Variants in WWP1 observed in about 807,000 individuals in gnomAD.
WWP1 encodes the protein NEDD4-like E3 ubiquitin-protein ligase WWP1.
Under a neutral mutation model 130.6 loss-of-function variants are expected in WWP1, and 49 were observed. That is an observed-to-expected ratio of 0.38 (90% CI 0.30 to 0.48). The LOEUF is 0.48. Ranked by LOEUF, WWP1 falls within the 20% of genes least tolerant of loss-of-function variation. The probability of loss-of-function intolerance (pLI) is 0.99; values close to 1 mark genes in which losing one functional copy is unlikely to be tolerated. For missense variants in WWP1, 809 were observed against 1,100.6 expected (o/e 0.74, Z 3.75); for synonymous variants, 332 against 367.8 (o/e 0.90, Z 1.11).
intron 7 of WWP1, among the ~76,000 whole-genome samples, chr8:86,400,305 T>C (rs904508480): frequency 6.7e-6 from 1 of 149,958 alleles, no homozygotes; most frequent in Non-Finnish European, 1.5e-5. Context: ...GCACTCCAGC[T>C]CTGGGCGACA....
intron 5 of WWP1, among the ~76,000 whole-genome samples, chr8:86,396,491 G>C (rs1807675255): frequency 6.6e-6 from 1 of 150,858 alleles, no homozygotes; most frequent in Non-Finnish European, 1.5e-5. Flanking sequence ...TTGATGTAAA[G>C]TAGAAATGAG....
At chr8:86,455,894 C>T (rs1003689884) in intron 21 of WWP1, among the ~76,000 whole-genome samples, 3 of 151,810 alleles carry the variant, frequency 2.0e-5, no homozygotes, top group East Asian at 1.9e-4. Context: ...AATAAGATAG[C>T]GTGGTATTTG....
chr8:86,452,794 C>A, intron 21 of WWP1, 115 bp downstream of exon 21: 1 of 1,321,136 alleles, frequency 7.6e-7, no homozygotes, highest in Non-Finnish European at 1.1e-6. Flanking sequence ...AATCTTGAAT[C>A]CTCTCATTTG....
intron 9 of WWP1, among the ~76,000 whole-genome samples, chr8:86,424,586 C>T (rs902117780): frequency 2.6e-5 from 4 of 151,750 alleles, no homozygotes; most frequent in Non-Finnish European, 2.9e-5. Flanking sequence ...GCAGATCACT[C>T]GCCGTTAGGA....
At chr8:86,377,695 A>G (rs557688610) in intron 3 of WWP1, among the ~76,000 whole-genome samples, 1 of 152,332 alleles carries the variant, frequency 6.6e-6, no homozygotes, top group African/African-American at 2.4e-5. Flanking sequence ...CAAGGATAGT[A>G]GCATATAGAA....
Position 86,427,560 on chromosome 8 carries a change from A to G in WWP1, c.1158-83A>G, listed in dbSNP as rs1037453210. 5.8e-6 allele frequency: 8 copies of G among 1,388,804 alleles called. No individual in the cohort carries two copies. In the South Asian group the frequency reaches 7.7e-5, roughly 13 times the overall value. 86.0% of individuals were successfully genotyped at this position (1,388,804 alleles called of 1,614,324 possible). A position where few individuals can be genotyped will look rare whatever the true frequency, so the allele number is the denominator to read the frequency against. On this transcript the variant is annotated intron_variant, in intron 10 of 24. Coordinates refer to ENST00000517970, the MANE Select transcript of WWP1 (RefSeq NM_007013.4). ...GTTATTTTAACATGTCTTGAACTTG[A>G]TATTTAAATTGAGTGAAGTAATAAC...
chr8:86,352,902 A>C (rs1245847019), intron 1 of WWP1, among the ~76,000 whole-genome samples: 1 of 152,246 alleles, frequency 6.6e-6, no homozygotes, highest in Non-Finnish European at 1.5e-5. Flanking sequence ...TCTTTCTACA[A>C]AAGCAGAAAT....
Position 86,353,304 on chromosome 8 carries a change from A to T in WWP1, c.-115+10374A>T, listed in dbSNP as rs1385868830. 3.3e-5 allele frequency among the ~76,000 whole-genome samples: 5 copies of T among 152,212 alleles called. No individual in the cohort carries two copies. In the East Asian group the frequency reaches 9.6e-4, roughly 29 times the overall value. ...CCTCCTCAGTCCTGTGACCAGCAGGATCCAAAATCTGATCCTGTCATCAGA... is the reference window on the plus strand; with the variant it reads ...CCTCCTCAGTCCTGTGACCAGCAGGTTCCAAAATCTGATCCTGTCATCAGA... On this transcript the variant is annotated intron_variant, in intron 1 of 24. Transcript: ENST00000517970.
At chr8:86,388,327 G>T (rs1279417682) in intron 5 of WWP1, among the ~76,000 whole-genome samples, 2 of 151,338 alleles carry the variant, frequency 1.3e-5, no homozygotes, top group South Asian at 2.1e-4. Context: ...CTATCCTAGT[G>T]TACGGTAGCC....
At position 86,362,099 on chromosome 8, in the gene WWP1, C is replaced by T. The variant is rs531699415; in HGVS notation, c.-114-6840C>T. 6.2e-4 allele frequency among the ~76,000 whole-genome samples: 85 copies of T among 137,038 alleles called. 2 individuals carry two copies. The highest frequency in any genetic ancestry group is 2.2e-3 in the African/African-American group (80 of 36,128). The allele number at this position is 137,038 out of a possible 152,430, so 89.9% of individuals were successfully genotyped here. ...ACATATATACACACATATATATATACACTAGGCATATATATATACACTAGG... is the reference window on the plus strand; with the variant it reads ...ACATATATACACACATATATATATATACTAGGCATATATATATACACTAGG... On this transcript the variant is annotated intron_variant, in intron 1 of 24. Coordinates refer to ENST00000517970, the MANE Select transcript of WWP1 (RefSeq NM_007013.4).
chr8:86,460,477 T>C (rs545299621), intron 22 of WWP1, among the ~76,000 whole-genome samples: 2 of 152,320 alleles, frequency 1.3e-5, no homozygotes, highest in East Asian at 3.9e-4. Context: ...TCTACCTATC[T>C]CATAGAATTG....
Position 86,430,829 on chromosome 8 carries a change from A to ATATG in WWP1, c.1387+80_1387+83dup, listed in dbSNP as rs1554571508. On this transcript the variant is annotated intron_variant, in intron 12 of 24. Transcript: ENST00000517970. ...TATATATATATATATATATATATATATATGTTCCTTATTTTATATATATAT... is the reference window on the plus strand; with the variant it reads ...TATATATATATATATATATATATATATATGTATGTTCCTTATTTTATATATATAT... The ATATG allele has an allele frequency of 1.9e-3, 1,004 of 533,960 alleles. 3 individuals carry two copies. The highest frequency in any genetic ancestry group is 3.5e-3 in the Admixed American group (55 of 15,524). The allele number at this position is 533,960 out of a possible 1,614,324, so 33.1% of individuals were successfully genotyped here. A position where few individuals can be genotyped will look rare whatever the true frequency, so the allele number is the denominator to read the frequency against.
At chr8:86,442,925 T>C (rs1332480280) in intron 18 of WWP1, 147 bp downstream of exon 18, 1 of 767,216 alleles carries the variant, frequency 1.3e-6, no homozygotes, top group Non-Finnish European at 1.9e-6. Context: ...TGTAAAAATA[T>C]ATTTTTTGAG....
intron 9 of WWP1, among the ~76,000 whole-genome samples, chr8:86,418,769 G>GT (rs1681638403): frequency 6.6e-6 from 1 of 152,138 alleles, no homozygotes; most frequent in African/African-American, 2.4e-5. Context: ...ATCAGCAGAC[G>GT]TAAGTGAGCC....
At chr8:86,384,795 G>T (rs954506670) in intron 5 of WWP1, among the ~76,000 whole-genome samples, 1 of 152,134 alleles carries the variant, frequency 6.6e-6, no homozygotes, top group African/African-American at 2.4e-5. Context: ...GAGCTCAGGA[G>T]TTTGATACCA....
chr8:86,385,310 C>T (rs1428646036), intron 5 of WWP1, among the ~76,000 whole-genome samples: 3 of 152,046 alleles, frequency 2.0e-5, no homozygotes, highest in African/African-American at 7.2e-5. Context: ...CATCTATTTG[C>T]AGAGGATAGA....
chr8:86,430,758 T>G lies in WWP1; in HGVS notation c.1387+7T>G, dbSNP rs200895342. On this transcript the variant is annotated splice_region_variant and intron_variant, in intron 12 of 24. Transcript: ENST00000517970. ...CCTTTGCCACCAGGCTGGGGTAAGCTGTTTTTGCTAATGATCTATAAGGGA... is the reference window on the plus strand; with the variant it reads ...CCTTTGCCACCAGGCTGGGGTAAGCGGTTTTTGCTAATGATCTATAAGGGA... The G allele has an allele frequency of 1.7e-4, 258 of 1,539,294 alleles. 2 individuals are homozygous for G. Among genetic ancestry groups the G allele is most frequent in the Non-Finnish European group, 2.0e-4 (230 of 1,140,074 alleles).
At chr8:86,372,379 T>C (rs1824368066) in intron 2 of WWP1, among the ~76,000 whole-genome samples, 1 of 152,152 alleles carries the variant, frequency 6.6e-6, no homozygotes. Flanking sequence ...AGGCGGGTCT[T>C]GAACTCCTGA....
At chr8:86,406,714 C>G (rs1168345862) in intron 8 of WWP1, among the ~76,000 whole-genome samples, 1 of 152,044 alleles carries the variant, frequency 6.6e-6, no homozygotes, top group Non-Finnish European at 1.5e-5. Flanking sequence ...GCTTCATGTA[C>G]CACCAGTTCA....
Sources: gnomAD v4.1 joint callset for allele counts (sites outside exome capture counted in the v4.1 genomes callset) on GRCh38, gnomAD v4.1.1 for gene constraint, MANE v1.5 for transcripts, NCBI Gene and HGNC (gene_info 2026-07-23, HGNC 2026-07-21) for gene names.